The following CES5A variants were observed in gnomAD, a reference collection of about 807,000 sequenced individuals.
CES5A encodes the protein carboxylesterase 5.
CES5A carries 67 observed loss-of-function variants against 62.9 expected under a neutral mutation model. The observed-to-expected ratio is 1.07, with a 90% CI of 0.88 to 1.31. The LOEUF (loss-of-function observed/expected upper bound fraction) is 1.31, where lower values mean the gene tolerates loss of function less well. CES5A is among the 50% of genes most tolerant of loss of function. The probability of loss-of-function intolerance (pLI) is 0.00; values close to 1 mark genes in which losing one functional copy is unlikely to be tolerated. For synonymous variants in CES5A, 296 were observed against 280.8 expected, an observed-to-expected ratio of 1.05 and a Z score of -0.54; for missense variants, 748 against 708.5, an observed-to-expected ratio of 1.06 and a Z score of -0.63.
intron 2 of CES5A, among the ~76,000 whole-genome samples, chr16:55,937,014 G>T (rs1298850006): frequency 1.3e-5 from 2 of 152,168 alleles, no homozygotes; most frequent in African/African-American, 2.4e-5. Flanking sequence ...GGCTACAAGA[G>T]ACCAGGCAGA....
In CES5A at chr16:55,864,730, A is replaced by C. The variant is rs530553495; in HGVS notation, c.705+1233T>G. 1.7e-3 allele frequency among the ~76,000 whole-genome samples: 260 copies of C among 150,968 alleles called. 1 individual carries two copies. The highest frequency in any genetic ancestry group is 6.0e-3 in the African/African-American group (250 of 41,408). Reference sequence around the variant, plus strand: ...GGCAATATAGCTAGACCCCATCTCTAAAAAAATTTTAAAAAATAAAAAAAA... The same window carrying C: ...GGCAATATAGCTAGACCCCATCTCTCAAAAAATTTTAAAAAATAAAAAAAA... On this transcript the variant is annotated intron_variant, in intron 5 of 12. Transcript: ENST00000290567.
intron 1 of CES5A, among the ~76,000 whole-genome samples, chr16:55,890,660 T>C (rs564145647): frequency 6.6e-6 from 1 of 152,300 alleles, no homozygotes; most frequent in East Asian, 1.9e-4. Flanking sequence ...TAGTGATATA[T>C]AAAAACATGT....
chr16:55,910,079 T>A (rs1419353410), intron 1 of CES5A, among the ~76,000 whole-genome samples: 3 of 152,082 alleles, frequency 2.0e-5, no homozygotes, highest in African/African-American at 7.2e-5. Flanking sequence ...ACTGGCAATA[T>A]CAGATGTGTG....
chr16:55,885,866 G>C (rs1490941392), intron 1 of CES5A, among the ~76,000 whole-genome samples: 1 of 152,192 alleles, frequency 6.6e-6, no homozygotes, highest in Non-Finnish European at 1.5e-5. Context: ...ATTATGAGCT[G>C]AGTATTTTCA....
intron 1 of CES5A, among the ~76,000 whole-genome samples, chr16:55,889,641 A>C (rs558714066): frequency 6.6e-6 from 1 of 151,410 alleles, no homozygotes; most frequent in Non-Finnish European, 1.5e-5. Flanking sequence ...GCTATCCAGA[A>C]GCTCTCCCAA....
intron 7 of CES5A, among the ~76,000 whole-genome samples, chr16:55,860,931 T>C (rs1434865251): frequency 6.6e-6 from 1 of 152,338 alleles, no homozygotes; most frequent in Middle Eastern, 3.4e-3. Flanking sequence ...TGTCACTGAT[T>C]GAAAGTTTGT....
intron 1 of CES5A, among the ~76,000 whole-genome samples, chr16:55,924,900 A>C (rs1269583794): frequency 6.6e-6 from 1 of 152,156 alleles, no homozygotes; most frequent in Non-Finnish European, 1.5e-5. Context: ...CTAAGACCTG[A>C]AACTTTGAAA....
intron 1 of CES5A, among the ~76,000 whole-genome samples, chr16:55,953,329 G>A (rs550803109): frequency 2.6e-5 from 4 of 152,112 alleles, no homozygotes; most frequent in Non-Finnish European, 4.4e-5. Context: ...GAAAGCTTAC[G>A]TAAAGACAAG....
chr16:55,913,478 C>CT (rs1445766769), intron 1 of CES5A, among the ~76,000 whole-genome samples: 3 of 152,158 alleles, frequency 2.0e-5, no homozygotes, highest in Non-Finnish European at 4.4e-5. Flanking sequence ...TCTGTTAGTC[C>CT]TGCAAAAGCA....
At chr16:55,927,430 T>C (rs1238704175), upstream of CES5A, among the ~76,000 whole-genome samples, 1 of 152,068 alleles carries the variant, frequency 6.6e-6, no homozygotes, top group Non-Finnish European at 1.5e-5. Flanking sequence ...AAAAAACAAG[T>C]AATCTCATTA....
chr16:55,892,994 G>A (rs1174606430), intron 1 of CES5A, among the ~76,000 whole-genome samples: 2 of 152,170 alleles, frequency 1.3e-5, no homozygotes, highest in Admixed American at 6.5e-5. Flanking sequence ...GTCAAATGTG[G>A]TTTAGCCTGG....
chr16:55,895,853 C>T (rs549679976), intron 1 of CES5A, among the ~76,000 whole-genome samples: 5 of 152,142 alleles, frequency 3.3e-5, no homozygotes, highest in Admixed American at 2.6e-4. Flanking sequence ...TGAAGGGGGG[C>T]CTGGTGGGAG....
chr16:55,880,895 T>G (rs917006790), intron 1 of CES5A, among the ~76,000 whole-genome samples: 21 of 152,182 alleles, frequency 1.4e-4, no homozygotes, highest in Admixed American at 1.1e-3. Context: ...CCTGGAACCA[T>G]AGTTTGACTA....
intron 1 of CES5A, among the ~76,000 whole-genome samples, chr16:55,909,214 AG>A (rs1355673399): frequency 6.6e-6 from 1 of 152,178 alleles, no homozygotes; most frequent in Non-Finnish European, 1.5e-5. Context: ...TTGGGAAGCC[AG>A]GGTGAATTTT....
At chr16:55,947,283 A>T (rs1397921670) in intron 2 of CES5A, among the ~76,000 whole-genome samples, 1 of 152,186 alleles carries the variant, frequency 6.6e-6, no homozygotes, top group Non-Finnish European at 1.5e-5. Context: ...CCACCCCCTC[A>T]GCTTCCTGAT....
intron 1 of CES5A, among the ~76,000 whole-genome samples, chr16:55,906,815 TA>T (rs1455697413): frequency 3.9e-5 from 6 of 152,178 alleles, no homozygotes; most frequent in Non-Finnish European, 1.5e-5. Flanking sequence ...CCACCTTGGC[TA>T]AAAGCTGCGA....
chr16:55,903,195 C>T (rs2034008050), intron 1 of CES5A, among the ~76,000 whole-genome samples: 1 of 152,076 alleles, frequency 6.6e-6, no homozygotes, highest in South Asian at 2.1e-4. Context: ...AAACAGGGCA[C>T]TCCTGGTATG....
intron 2 of CES5A, among the ~76,000 whole-genome samples, chr16:55,873,338 T>A (rs1232530669): frequency 6.6e-6 from 1 of 152,112 alleles, no homozygotes; most frequent in Non-Finnish European, 1.5e-5. Context: ...ATGGACTAGG[T>A]ATTGCATCAG....
chr16:55,941,069 T>C (rs1354197781), intron 2 of CES5A, among the ~76,000 whole-genome samples: 11 of 151,978 alleles, frequency 7.2e-5, no homozygotes, highest in Admixed American at 7.2e-4. Flanking sequence ...ATTATGAATG[T>C]TTTTCTTATC....
Sources: allele counts gnomAD v4.1 joint callset (sites outside exome capture counted in the v4.1 genomes callset), GRCh38; gene constraint gnomAD v4.1.1; transcripts MANE v1.5; gene names NCBI Gene and HGNC (gene_info 2026-07-23, HGNC 2026-07-21).